The following RTN4IP1 variants were observed in gnomAD, a reference collection of about 807,000 sequenced individuals.
RTN4IP1 encodes reticulon 4 interacting protein 1.
A neutral mutation model predicts 46.6 loss-of-function variants in RTN4IP1; 32 were observed. That is an observed-to-expected ratio of 0.69 (90% CI 0.52 to 0.92). RTN4IP1 has a LOEUF of 0.92. Among genes scored for constraint, RTN4IP1 ranks in the 40% least tolerant of loss-of-function variants. The pLI, the probability that RTN4IP1 is intolerant of heterozygous loss-of-function variation, is 0.00. For synonymous variants in RTN4IP1, 167 were observed against 161.8 expected (o/e 1.03, Z -0.24); for missense variants, 424 against 485.8 (o/e 0.87, Z 1.20).
chr6:106,588,876 C>CT (rs1775550476), intron 6 of RTN4IP1, among the ~76,000 whole-genome samples: 1 of 151,708 alleles, frequency 6.6e-6, no homozygotes, highest in Non-Finnish European at 1.5e-5. Flanking sequence ...TTTGGGAGGC[C>CT]GAGTCGGGTG....
In RTN4IP1 at chr6:106,629,296, AAAAAAAAAG is replaced by A. The variant is rs1165416955; in HGVS notation, c.-284_-276del. 5.9e-6 allele frequency: 3 copies of A among 505,032 alleles called. No individual in the cohort carries two copies. Among genetic ancestry groups the A allele is most frequent in the Non-Finnish European group, 1.0e-5 (3 of 288,030 alleles). 31.3% of individuals were successfully genotyped at this position (505,032 alleles called of 1,614,324 possible). A position where few individuals can be genotyped will look rare whatever the true frequency, so the allele number is the denominator to read the frequency against. On this transcript the variant is annotated 5_prime_UTR_variant, in exon 1 of 9. Coordinates refer to ENST00000369063, the MANE Select transcript of RTN4IP1 (RefSeq NM_032730.5). ...CCTCACTTTCACCCCCTCCACTTTAAAAAAAAAAGGGGGGGCGGGGCATTAAAAAGCAGG... is the reference window on the plus strand; with the variant it reads ...CCTCACTTTCACCCCCTCCACTTTAAGGGGGGCGGGGCATTAAAAAGCAGG...
chr6:106,628,665 G>A (rs924075130), intron 1 of RTN4IP1, 83 bp downstream of exon 1: 3 of 1,253,338 alleles, frequency 2.4e-6, no homozygotes, highest in Non-Finnish European at 2.2e-6. Context: ...GTAAACCAAA[G>A]AAGCGTAGTC....
intron 7 of RTN4IP1, among the ~76,000 whole-genome samples, chr6:106,583,937 A>T (rs985646937): frequency 7.2e-5 from 11 of 152,154 alleles, no homozygotes; most frequent in Non-Finnish European, 1.5e-5. Flanking sequence ...CTTTAAAGGG[A>T]AAACAAAGTG....
At chr6:106,629,724 C>T (rs1207911926), upstream of RTN4IP1, 2 of 1,600,462 alleles carry the variant, frequency 1.2e-6, no homozygotes, top group African/African-American at 1.3e-5. Flanking sequence ...AATTGGCCCG[C>T]TGAGGCCCCC....
upstream of RTN4IP1, chr6:106,629,545 C>A: frequency 1.8e-6 from 2 of 1,114,420 alleles, no homozygotes; most frequent in Non-Finnish European, 2.5e-6. Flanking sequence ...GGCTGCAATT[C>A]AACCAATCCA....
At position 106,628,854 on chromosome 6, in the gene RTN4IP1, C is replaced by T; in HGVS notation, c.168G>A (p.Val56=). Reference sequence around the variant, plus strand: ...TCATCATGTTCTGAGTGAATCGAAGCACTTCATTCTTCCCATATTTATCTA... The same window carrying T: ...TCATCATGTTCTGAGTGAATCGAAGTACTTCATTCTTCCCATATTTATCTA... The part of the protein sequence containing the change: ...WVIDKYGKNE[V]LRFTQNMMMP... Residue 56 remains valine (V), a synonymous_variant, in exon 1 of 9, where the codon GTG becomes GTA. Transcript: ENST00000369063. The T allele has an allele frequency of 6.2e-7, 1 of 1,614,080 alleles. No homozygotes were observed. The highest frequency in any genetic ancestry group is 8.5e-7 in the Non-Finnish European group (1 of 1,179,960).
chr6:106,585,393 G>C (rs1775459659), intron 7 of RTN4IP1, among the ~76,000 whole-genome samples: 1 of 152,084 alleles, frequency 6.6e-6, no homozygotes, highest in African/African-American at 2.4e-5. Flanking sequence ...GCTTACTGTG[G>C]ATCCAGTAAA....
intron 6 of RTN4IP1, among the ~76,000 whole-genome samples, chr6:106,589,890 A>G (rs1775602623): frequency 6.6e-6 from 1 of 152,224 alleles, no homozygotes; most frequent in Non-Finnish European, 1.5e-5. Flanking sequence ...AAGCGAAAGG[A>G]GCAAGACCAC....
rs113485443 is a variant in RTN4IP1 at position 106,621,498 on chromosome 6, AACACAC to A, written c.427-11_427-6del. 1 of 1,612,964 alleles carries A rather than the reference AACACAC, an allele frequency of 6.2e-7. No individual in the cohort carries two copies. Among genetic ancestry groups the A allele is most frequent in the African/African-American group, 1.3e-5 (1 of 74,888 alleles). Reference sequence around the variant, plus strand: ...AGGAGGAACTGCAGCCCAGACCTGAAACACACACAGACAGACAGCTTCATTAGAAAC... The same window carrying A: ...AGGAGGAACTGCAGCCCAGACCTGAAACAGACAGACAGCTTCATTAGAAAC... On this transcript the variant is annotated splice_region_variant and splice_polypyrimidine_tract_variant and intron_variant, in intron 2 of 8. Transcript: ENST00000369063.
chr6:106,605,496 T>A (rs188968730), intron 4 of RTN4IP1, among the ~76,000 whole-genome samples: 1 of 149,012 alleles, frequency 6.7e-6, no homozygotes, highest in East Asian at 2.0e-4. Context: ...ACTGACACGA[T>A]TGATAGTGAT....
intron 4 of RTN4IP1, among the ~76,000 whole-genome samples, chr6:106,606,935 A>C (rs1562146910): frequency 6.6e-6 from 1 of 152,020 alleles, no homozygotes; most frequent in Non-Finnish European, 1.5e-5. Context: ...AAAGACCTTG[A>C]ATAACCAAAA....
intron 7 of RTN4IP1, 179 bp from the exon 8 acceptor site, chr6:106,583,599 T>C: frequency 1.8e-6 from 1 of 541,816 alleles, no homozygotes; most frequent in Non-Finnish European, 3.4e-6. Flanking sequence ...GCTCCATAAA[T>C]GTTTAATAAA....
intron 4 of RTN4IP1, among the ~76,000 whole-genome samples, chr6:106,607,195 C>T (rs1776100071): frequency 6.6e-6 from 1 of 151,894 alleles, no homozygotes; most frequent in Admixed American, 6.6e-5. Flanking sequence ...ATTGGATATC[C>T]ATATGCAGAA....
intron 8 of RTN4IP1, among the ~76,000 whole-genome samples, chr6:106,574,520 T>C (rs11968064): frequency 0.69 from 104,910 of 151,856 alleles, 38,292 homozygotes; most frequent in South Asian, 0.83. Context: ...GCCCCTGGGA[T>C]GCTGTTTTCA....
chr6:106,625,914 C>T (rs1476532653), intron 1 of RTN4IP1, among the ~76,000 whole-genome samples: 1 of 152,004 alleles, frequency 6.6e-6, no homozygotes, highest in Non-Finnish European at 1.5e-5. Flanking sequence ...CCTCGGCCTC[C>T]CAAAGTGCTG....
At chr6:106,620,093 T>C (rs1776451176) in intron 3 of RTN4IP1, among the ~76,000 whole-genome samples, 1 of 152,026 alleles carries the variant, frequency 6.6e-6, no homozygotes, top group East Asian at 1.9e-4. Context: ...AAATATGTGT[T>C]AGTTGACTTT....
chr6:106,597,529 A>G (rs1432373584), intron 5 of RTN4IP1, among the ~76,000 whole-genome samples: 1 of 151,890 alleles, frequency 6.6e-6, no homozygotes, highest in Non-Finnish European at 1.5e-5. Flanking sequence ...TTTTTTGTAG[A>G]GACGAGGTTT....
chr6:106,606,633 A>G (rs1776081890), intron 4 of RTN4IP1, among the ~76,000 whole-genome samples: 1 of 152,006 alleles, frequency 6.6e-6, no homozygotes, highest in Non-Finnish European at 1.5e-5. Flanking sequence ...AGGGCTAGGC[A>G]CGGTGGCTCA....
chr6:106,589,160 G>A (rs1775559778), intron 6 of RTN4IP1, among the ~76,000 whole-genome samples: 4 of 72,510 alleles, frequency 5.5e-5, no homozygotes, highest in Non-Finnish European at 8.6e-5. Flanking sequence ...AGAGGAAGGA[G>A]GAGGAGGCGG....
Sources: allele counts gnomAD v4.1 joint callset (sites outside exome capture counted in the v4.1 genomes callset), GRCh38; gene constraint gnomAD v4.1.1; transcripts MANE v1.5; gene names NCBI Gene and HGNC (gene_info 2026-07-23, HGNC 2026-07-21).